MALL: variants seen among roughly 807,000 people sequenced by gnomAD.
The protein encoded by MALL is mal, T cell differentiation protein like, also known as MAL-like protein.
A neutral mutation model predicts 10.3 loss-of-function variants in MALL; 2 were observed. That is an observed-to-expected ratio of 0.19 (90% CI 0.08 to 0.61). The LOEUF (loss-of-function observed/expected upper bound fraction) is 0.61, where lower values mean the gene tolerates loss of function less well. Ranked by LOEUF, MALL falls within the 20% of genes least tolerant of loss-of-function variation. The probability of loss-of-function intolerance (pLI) is 0.88; values close to 1 mark genes in which losing one functional copy is unlikely to be tolerated. For synonymous variants in MALL, 27 were observed against 51.8 expected, an observed-to-expected ratio of 0.52 and a Z score of 2.05; for missense variants, 39 against 115.2, an observed-to-expected ratio of 0.34 and a Z score of 3.03.
At chr2:110,115,061 A>T (rs1162180516) in intron 1 of MALL, among the ~76,000 whole-genome samples, 2 of 152,068 alleles carry the variant, frequency 1.3e-5, no homozygotes, top group African/African-American at 4.8e-5. Flanking sequence ...TCTCATTTGC[A>T]ACCAGGGTGC....
chr2:110,115,287 G>A (rs1185272017), intron 1 of MALL, among the ~76,000 whole-genome samples: 2 of 152,138 alleles, frequency 1.3e-5, no homozygotes, highest in Admixed American at 6.5e-5. Context: ...ACATCTCCCT[G>A]GGAAGCCTGG....
chr2:110,113,220 G>C (rs1348130770), intron 1 of MALL, among the ~76,000 whole-genome samples: 1 of 151,294 alleles, frequency 6.6e-6, no homozygotes, highest in Non-Finnish European at 1.5e-5. Context: ...GGCGGATCAC[G>C]AGGTCAGGAG....
chr2:110,115,108 T>C (rs146674180), intron 1 of MALL, among the ~76,000 whole-genome samples: 3 of 152,204 alleles, frequency 2.0e-5, no homozygotes, highest in African/African-American at 7.2e-5. Flanking sequence ...TTGCCATAGC[T>C]ACCTGGTGTG....
chr2:110,096,715 A>C (rs908823047), intron 1 of MALL, among the ~76,000 whole-genome samples: 3 of 133,392 alleles, frequency 2.2e-5, no homozygotes, highest in African/African-American at 7.8e-5. Flanking sequence ...GTACCTACAC[A>C]CACACACACA....
Position 110,115,730 on chromosome 2 carries a change from CGCGACCCCCGAGG to C in MALL, c.50_62del (p.Pro17ArgfsTer15). 7.7e-7 allele frequency: 1 copy of C among 1,291,998 alleles called. No individual in the cohort carries two copies. Among genetic ancestry groups the C allele is most frequent in the East Asian group, 2.9e-5 (1 of 34,354 alleles). 80.0% of individuals were successfully genotyped at this position (1,291,998 alleles called of 1,614,324 possible). ...AGGCGAAAGGGATGGTGAGGAACAGCGCGACCCCCGAGGGCACGTCGGACGGGGCGTAGCTGGT... is the reference window on the plus strand; with the variant it reads ...AGGCGAAAGGGATGGTGAGGAACAGCGCACGTCGGACGGGGCGTAGCTGGT... On this transcript the variant is annotated frameshift_variant, in exon 1 of 4. Transcript: ENST00000272462. LOFTEE classifies it high-confidence loss of function.
chr2:110,097,279 A>T (rs1455333675), intron 1 of MALL, among the ~76,000 whole-genome samples: 1 of 151,876 alleles, frequency 6.6e-6, no homozygotes, highest in Non-Finnish European at 1.5e-5. Flanking sequence ...CCAGAATGAG[A>T]CCCAATCAGC....
chr2:110,099,372 A>G (rs1678514030), intron 1 of MALL, among the ~76,000 whole-genome samples: 1 of 152,192 alleles, frequency 6.6e-6, no homozygotes. Context: ...GGTTACAAAT[A>G]CATCTTAGCA....
At chr2:110,092,815 C>T (rs2104378508) in intron 1 of MALL, among the ~76,000 whole-genome samples, 1 of 103,136 alleles carries the variant, frequency 9.7e-6, no homozygotes, top group South Asian at 3.3e-4. Context: ...TTCCTTCTTC[C>T]TGGAGTGCAA....
chr2:110,101,133 C>T (rs990071298), intron 1 of MALL, among the ~76,000 whole-genome samples: 1 of 152,122 alleles, frequency 6.6e-6, no homozygotes, highest in Admixed American at 6.5e-5. Context: ...GTCACTGGCC[C>T]TGCAGCCTCA....
chr2:110,116,501 C>G (rs1678925461), upstream of MALL: 1 of 152,376 alleles, frequency 6.6e-6, no homozygotes. Flanking sequence ...GCCCCCCAGT[C>G]TCTGGGAGAG....
At chr2:110,100,507 A>T (rs1678541499) in intron 1 of MALL, among the ~76,000 whole-genome samples, 2 of 151,556 alleles carry the variant, frequency 1.3e-5, no homozygotes, top group Non-Finnish European at 2.9e-5. Flanking sequence ...GCAGACTAGG[A>T]TGTAAAGTTT....
chr2:110,104,180 G>A (rs2104388011), intron 1 of MALL, among the ~76,000 whole-genome samples: 1 of 152,250 alleles, frequency 6.6e-6, no homozygotes, highest in Middle Eastern at 3.4e-3. Flanking sequence ...TTGAGCATCA[G>A]CATCGCTGCC....
At chr2:110,098,651 T>C (rs1306445966) in intron 1 of MALL, among the ~76,000 whole-genome samples, 1 of 152,180 alleles carries the variant, frequency 6.6e-6, no homozygotes, top group Non-Finnish European at 1.5e-5. Flanking sequence ...CTTTTGGCTA[T>C]TGTGAATAAT....
chr2:110,110,253 A>T (rs1248571706), intron 1 of MALL, among the ~76,000 whole-genome samples: 1 of 152,110 alleles, frequency 6.6e-6, no homozygotes, highest in African/African-American at 2.4e-5. Flanking sequence ...AACCAAAAAA[A>T]CCCATGAAAG....
At chr2:110,097,724 G>A (rs1036761844) in intron 1 of MALL, 7 of 318,500 alleles carry the variant, frequency 2.2e-5, no homozygotes, top group Non-Finnish European at 3.8e-5. Context: ...CTGAGAAGGA[G>A]GGAGGAGTGC....
chr2:110,110,830 G>A (rs1007881346), intron 1 of MALL, among the ~76,000 whole-genome samples: 4 of 152,068 alleles, frequency 2.6e-5, no homozygotes, highest in African/African-American at 9.7e-5. Context: ...CAAAATACTA[G>A]CTAACTGAAT....
chr2:110,097,914 A>T (rs1490530661), intron 1 of MALL, among the ~76,000 whole-genome samples: 7 of 152,174 alleles, frequency 4.6e-5, no homozygotes, highest in Middle Eastern at 3.4e-3. Flanking sequence ...ATAAAGCCTA[A>T]AAAACTTCAG....
chr2:110,104,171 T>G (rs1472916199), intron 1 of MALL, among the ~76,000 whole-genome samples: 2 of 152,114 alleles, frequency 1.3e-5, no homozygotes, highest in African/African-American at 2.4e-5. Flanking sequence ...TCTATAGGTT[T>G]GAGCATCAGC....
intron 1 of MALL, among the ~76,000 whole-genome samples, chr2:110,096,600 T>C (rs1678444992): frequency 2.0e-5 from 3 of 152,036 alleles, no homozygotes; most frequent in Admixed American, 1.3e-4. Context: ...AATTCACTTT[T>C]GGAAAGGAGA....
Sources: gnomAD v4.1 joint callset for allele counts (sites outside exome capture counted in the v4.1 genomes callset) on GRCh38, gnomAD v4.1.1 for gene constraint, MANE v1.5 for transcripts, NCBI Gene and HGNC (gene_info 2026-07-23, HGNC 2026-07-21) for gene names.